CPS1: variants seen among roughly 807,000 people sequenced by gnomAD.
CPS1 encodes carbamoyl-phosphate synthase [ammonia], mitochondrial.
Under a neutral mutation model 174.6 loss-of-function variants are expected in CPS1, and 109 were observed. The observed-to-expected ratio is 0.62, with a 90% CI of 0.53 to 0.73. The LOEUF is 0.73. Among genes scored for constraint, CPS1 ranks in the 30% least tolerant of loss-of-function variants. The pLI is 0.00. For synonymous variants in CPS1, 637 were observed against 632.0 expected (o/e 1.01, Z -0.12); for missense variants, 1,689 against 1,821.9 (o/e 0.93, Z 1.33).
chr2:210,491,527 A>T (rs1252591473), intron 1 of CPS1, among the ~76,000 whole-genome samples: 1 of 151,864 alleles, frequency 6.6e-6, no homozygotes, highest in African/African-American at 2.4e-5. Flanking sequence ...GTTAGCCAGG[A>T]TGGTCTCTAT....
rs773857876 is a variant in CPS1 at position 210,675,797 on chromosome 2, C to T, written c.4231C>T (p.Pro1411Ser). ...NNVPATPVAW[P>S]SQEGQNPSLS... ...TGTCCCTGCCACCCCAGTGGCATGG[C>T]CGTCTCAAGAAGGACAGAATCCCAG... The change falls in exon 36 of 38, where the codon CCG (proline) becomes TCG (serine). Residue 1411 changes from proline (P) to serine (S), a missense_variant. Coordinates refer to ENST00000233072, the MANE Select transcript of CPS1 (RefSeq NM_001875.5). 19 of 1,601,106 alleles carry T rather than the reference C, an allele frequency of 1.2e-5. No individual in the cohort carries two copies. The highest frequency in any genetic ancestry group is 1.5e-5 in the Non-Finnish European group (18 of 1,168,256).
intron 6 of CPS1, among the ~76,000 whole-genome samples, chr2:210,583,746 A>G (rs954661004): frequency 3.3e-5 from 5 of 152,170 alleles, no homozygotes; most frequent in African/African-American, 9.6e-5. Flanking sequence ...AGCTAGGTCT[A>G]GAAGGTTTCA....
rs759838283 is a variant in CPS1 at position 210,668,257 on chromosome 2, C to T, written c.4074C>T (p.Pro1358=). The T allele has an allele frequency of 1.2e-5, 20 of 1,613,712 alleles. No homozygotes were observed. Among genetic ancestry groups the T allele is most frequent in the Non-Finnish European group, 1.6e-5 (19 of 1,179,744 alleles). ...KAMLSTGFKI[P]QKGILIGIQQ... is the part of the protein sequence containing the mutation. Reference sequence around the variant, plus strand: ...TGCTTTCCACAGGATTTAAGATACCCCAGAAAGGCATCCTGATAGGCATCC... The same window carrying T: ...TGCTTTCCACAGGATTTAAGATACCTCAGAAAGGCATCCTGATAGGCATCC... The change falls in exon 34 of 38, where the codon CCC becomes CCT. Residue 1358 remains proline (P), a synonymous_variant. Coordinates refer to ENST00000233072, the MANE Select transcript of CPS1 (RefSeq NM_001875.5).
At chr2:210,675,929 A>C (rs1701515314) in intron 36 of CPS1, 89 bp downstream of exon 36, 1 of 756,608 alleles carries the variant, frequency 1.3e-6, no homozygotes, top group Non-Finnish European at 2.4e-6. Context: ...CTTGATTGCA[A>C]GTCTTTTAAA....
chr2:210,663,886 T>C (rs1701004329), intron 33 of CPS1, among the ~76,000 whole-genome samples: 1 of 152,172 alleles, frequency 6.6e-6, no homozygotes, highest in African/African-American at 2.4e-5. Flanking sequence ...AACTTCAGAT[T>C]CTCATCAGTG....
intron 1 of CPS1, among the ~76,000 whole-genome samples, chr2:210,567,079 G>T (rs888470508): frequency 6.6e-6 from 1 of 152,058 alleles, no homozygotes; most frequent in Non-Finnish European, 1.5e-5. Flanking sequence ...TATCAGTAAA[G>T]TAATGGCAGA....
intron 6 of CPS1, among the ~76,000 whole-genome samples, chr2:210,585,467 A>G (rs1163144319): frequency 6.6e-6 from 1 of 152,150 alleles, no homozygotes; most frequent in East Asian, 1.9e-4. Flanking sequence ...TACACTGATT[A>G]ATTTATTCCA....
chr2:210,514,413 G>T (rs1364456485), intron 1 of CPS1, among the ~76,000 whole-genome samples: 1 of 151,734 alleles, frequency 6.6e-6, no homozygotes, highest in Non-Finnish European at 1.5e-5. Context: ...TTAGGTAGAT[G>T]TATTCCTAGG....
chr2:210,561,794 C>G (rs1697110597), intron 1 of CPS1, among the ~76,000 whole-genome samples: 1 of 152,104 alleles, frequency 6.6e-6, no homozygotes, highest in Non-Finnish European at 1.5e-5. Context: ...ATGAGTTGAA[C>G]TTATAAAAAT....
chr2:210,625,967 T>C (rs1437873713), intron 21 of CPS1, among the ~76,000 whole-genome samples: 1 of 152,116 alleles, frequency 6.6e-6, no homozygotes, highest in Non-Finnish European at 1.5e-5. Context: ...TTGGGTGAAA[T>C]AGTTGACGCC....
intron 25 of CPS1, among the ~76,000 whole-genome samples, chr2:210,645,850 TG>T (rs1232458666): frequency 7.2e-5 from 11 of 152,126 alleles, no homozygotes; most frequent in African/African-American, 2.7e-4. Flanking sequence ...AGCTGTAAAA[TG>T]GGGACAGTAA....
intron 5 of CPS1, among the ~76,000 whole-genome samples, chr2:210,581,861 A>G (rs1697932816): frequency 6.6e-6 from 1 of 152,200 alleles, no homozygotes; most frequent in Non-Finnish European, 1.5e-5. Context: ...AGAGAAGGGC[A>G]TATCAATGAA....
intron 20 of CPS1, among the ~76,000 whole-genome samples, chr2:210,616,146 A>G (rs571873991): frequency 6.6e-6 from 1 of 152,148 alleles, no homozygotes; most frequent in African/African-American, 2.4e-5. Flanking sequence ...ACACAATCAA[A>G]TAAAGAGGAG....
intron 1 of CPS1, among the ~76,000 whole-genome samples, chr2:210,541,540 T>C (rs1319413868): frequency 6.6e-6 from 1 of 152,162 alleles, no homozygotes; most frequent in African/African-American, 2.4e-5. Context: ...TTACCCCTCT[T>C]ATGTAGAGAA....
intron 1 of CPS1, among the ~76,000 whole-genome samples, chr2:210,531,122 C>T (rs1696103895): frequency 1.3e-5 from 2 of 152,026 alleles, no homozygotes; most frequent in Admixed American, 1.3e-4. Flanking sequence ...CTTAACATTT[C>T]TGATCTCTAA....
At chr2:210,498,040 A>G (rs912170935) in intron 1 of CPS1, among the ~76,000 whole-genome samples, 5 of 151,540 alleles carry the variant, frequency 3.3e-5, no homozygotes, top group South Asian at 2.1e-4. Flanking sequence ...TCAACAGTGT[A>G]TAAGCATTCC....
chr2:210,627,271 C>T (rs1284153261), intron 21 of CPS1, among the ~76,000 whole-genome samples: 1 of 151,982 alleles, frequency 6.6e-6, no homozygotes, highest in African/African-American at 2.4e-5. Context: ...GGTACAAAGA[C>T]CCAGGATAAT....
chr2:210,656,062 A>G (rs934298409), intron 29 of CPS1, among the ~76,000 whole-genome samples: 2 of 152,104 alleles, frequency 1.3e-5, no homozygotes, highest in African/African-American at 4.8e-5. Flanking sequence ...CCTCTTTCAA[A>G]CTTCCATTTA....
Position 210,668,210 on chromosome 2 carries a change from C to A in CPS1, c.4027C>A (p.His1343Asn), listed in dbSNP as rs778944598. 6.2e-7 allele frequency: 1 copy of A among 1,613,426 alleles called. No homozygotes were observed. The highest frequency in any genetic ancestry group is 8.5e-7 in the Non-Finnish European group (1 of 1,179,698). The change falls in exon 34 of 38, where the codon CAT becomes AAT. Residue 1343 changes from histidine (H) to asparagine (N), a missense_variant. His to Asn is a moderately conservative substitution (Grantham distance 68). Coordinates refer to ENST00000233072, the MANE Select transcript of CPS1 (RefSeq NM_001875.5). ...GGTGGCTTGCTTTGGTGAAGGTATT[C>A]ATACAGCCTTCCTAAAGGCAATGCT... ...GEVACFGEGI[H>N]TAFLKAMLST...
Sources: allele counts gnomAD v4.1 joint callset (sites outside exome capture counted in the v4.1 genomes callset), GRCh38; gene constraint gnomAD v4.1.1; transcripts MANE v1.5; gene names NCBI Gene and HGNC (gene_info 2026-07-23, HGNC 2026-07-21).